STK33: variants seen among roughly 807,000 people sequenced by gnomAD.
STK33 encodes the protein serine/threonine-protein kinase 33.
Under a neutral mutation model 58.0 loss-of-function variants are expected in STK33, and 52 were observed. The ratio of observed to expected loss-of-function variants is 0.90; its 90% CI spans 0.72 to 1.13. STK33 has a LOEUF of 1.13. Among genes scored for constraint, STK33 ranks in the 50% most tolerant of loss-of-function variants. The pLI is 0.00. For missense variants in STK33, 630 were observed against 604.2 expected (o/e 1.04, Z -0.45); for synonymous variants, 215 against 200.1 (o/e 1.07, Z -0.63).
intron 4 of STK33, chr11:8,475,895 C>T (rs1051001134): frequency 3.3e-5 from 5 of 152,076 alleles, no homozygotes; most frequent in Non-Finnish European, 7.4e-5. Flanking sequence ...GATTGATAAA[C>T]CTGGGGATAT....
At chr11:8,593,714 A>G (rs2032978321) in intron 1 of STK33, 1 of 152,234 alleles carries the variant, frequency 6.6e-6, no homozygotes, top group South Asian at 2.1e-4. Flanking sequence ...ACAACTTCAG[A>G]ACTTCTAAGG....
chr11:8,460,912 A>C lies in STK33; in HGVS notation c.558+893T>G, dbSNP rs527304613. Among the ~76,000 whole-genome samples, 9 of 152,348 alleles carry C rather than the reference A, an allele frequency of 5.9e-5. No individual in the cohort carries two copies. In the East Asian group the frequency reaches 1.7e-3, roughly 29 times the overall value. On this transcript the variant is annotated intron_variant, in intron 8 of 15. Coordinates refer to ENST00000687296, the MANE Select transcript of STK33 (RefSeq NM_001352389.2). ...CAAGCACCCCTAATGAATCAAGCAT[A>C]AGGCACAACCCAAATTGACTATTAC...
At chr11:8,437,844 G>A (rs1340990018) in intron 12 of STK33, among the ~76,000 whole-genome samples, 2 of 152,076 alleles carry the variant, frequency 1.3e-5, no homozygotes, top group African/African-American at 4.8e-5. Flanking sequence ...GTATTTATCA[G>A]TATCATATTG....
chr11:8,468,008 C>T (rs550396635), intron 6 of STK33, among the ~76,000 whole-genome samples: 1 of 151,978 alleles, frequency 6.6e-6, no homozygotes, highest in South Asian at 2.1e-4. Flanking sequence ...CTTCTGGTAC[C>T]AATTTACTGT....
chr11:8,451,374 T>G (rs190767571), intron 11 of STK33, among the ~76,000 whole-genome samples: 9 of 152,300 alleles, frequency 5.9e-5, no homozygotes, highest in African/African-American at 2.2e-4. Context: ...ATGTGGTATA[T>G]CCACGCAATG....
intron 1 of STK33, among the ~76,000 whole-genome samples, chr11:8,507,261 C>T (rs1017807410): frequency 1.3e-5 from 2 of 152,158 alleles, no homozygotes; most frequent in Non-Finnish European, 2.9e-5. Flanking sequence ...GTTCTTTCTA[C>T]GATACCCAAA....
intron 14 of STK33, among the ~76,000 whole-genome samples, chr11:8,420,606 C>T (rs572336531): frequency 5.3e-5 from 8 of 152,312 alleles, no homozygotes; most frequent in South Asian, 2.1e-4. Context: ...GTCTTCCTGC[C>T]TTCTATCACC....
the STK33 span, among the ~76,000 whole-genome samples, chr11:8,351,885 CGCCCAGGG>C: frequency 6.6e-6 from 1 of 152,352 alleles, no homozygotes; most frequent in Non-Finnish European, 1.5e-5. Flanking sequence ...GAGGGCTCCC[CGCCCAGGG>C]GCCGTGCCTT....
intron 8 of STK33, 128 bp downstream of exon 8, chr11:8,461,677 A>G (rs1591263206): frequency 5.5e-6 from 3 of 549,326 alleles, no homozygotes; most frequent in Admixed American, 8.2e-5. Flanking sequence ...GTTCTCATCA[A>G]TCTCCAGTGA....
At chr11:8,373,708 C>T in the STK33 span, among the ~76,000 whole-genome samples, 1 of 152,172 alleles carries the variant, frequency 6.6e-6, no homozygotes, top group Non-Finnish European at 1.5e-5. Flanking sequence ...ACAGCGGGAT[C>T]ATCCCAGTGA....
chr11:8,441,065 T>C (rs1944679667), intron 11 of STK33, among the ~76,000 whole-genome samples: 1 of 152,204 alleles, frequency 6.6e-6, no homozygotes, highest in Non-Finnish European at 1.5e-5. Flanking sequence ...AAGACAACAA[T>C]ATCCCAGCCC....
chr11:8,337,949 T>C, the STK33 span, among the ~76,000 whole-genome samples: 7 of 152,026 alleles, frequency 4.6e-5, no homozygotes, highest in African/African-American at 1.7e-4. Flanking sequence ...TCCCCCGTAT[T>C]CCGTGCTGCC....
chr11:8,404,369 C>A (rs1220428071), intron 15 of STK33, among the ~76,000 whole-genome samples: 1 of 152,102 alleles, frequency 6.6e-6, no homozygotes, highest in Non-Finnish European at 1.5e-5. Context: ...GCCTGTATAA[C>A]CAACACCACA....
chr11:8,494,855 T>C (rs1186363737), intron 1 of STK33, among the ~76,000 whole-genome samples: 1 of 152,226 alleles, frequency 6.6e-6, no homozygotes, highest in Non-Finnish European at 1.5e-5. Context: ...AAGGATTCCC[T>C]ATTTAATAAA....
intron 14 of STK33, among the ~76,000 whole-genome samples, chr11:8,423,941 A>T (rs909954454): frequency 4.9e-4 from 75 of 152,082 alleles, no homozygotes; most frequent in Non-Finnish European, 2.8e-4. Context: ...AATCCTTATA[A>T]AGTGACCTTC....
At chr11:8,444,814 C>T (rs956167335) in intron 11 of STK33, among the ~76,000 whole-genome samples, 6 of 151,852 alleles carry the variant, frequency 4.0e-5, no homozygotes, top group African/African-American at 1.5e-4. Context: ...AGCAGCAGAA[C>T]CAAAAAATTT....
chr11:8,481,401 T>C lies in STK33; in HGVS notation c.-465-787A>G, dbSNP rs564865387. ...GGGCAGGAACCATGTCCTATTTACA[T>C]TGCCATTTATGTCCAGCAAAAGACG... On this transcript the variant is annotated intron_variant, in intron 1 of 15. Transcript: ENST00000687296. Among the ~76,000 whole-genome samples the C allele has an allele frequency of 1.5e-3, 230 of 152,332 alleles. 2 individuals carry two copies. The highest frequency in any genetic ancestry group is 5.4e-3 in the African/African-American group (223 of 41,586).
At chr11:8,585,221 C>CCT (rs2031309896) in intron 1 of STK33, among the ~76,000 whole-genome samples, 1 of 64,836 alleles carries the variant, frequency 1.5e-5, no homozygotes, top group African/African-American at 6.6e-5. Flanking sequence ...CTGCACCCAG[C>CCT]ATTTTTTTTT....
the STK33 span, among the ~76,000 whole-genome samples, chr11:8,358,486 G>C: frequency 0.06 from 9,141 of 152,324 alleles, 308 homozygotes; most frequent in Non-Finnish European, 0.073. Context: ...CTAACCGTCA[G>C]GCTGGGAAAT....
Sources: gnomAD v4.1 joint callset for allele counts (sites outside exome capture counted in the v4.1 genomes callset) on GRCh38, gnomAD v4.1.1 for gene constraint, MANE v1.5 for transcripts, NCBI Gene and HGNC (gene_info 2026-07-23, HGNC 2026-07-21) for gene names.